Variants in GRID1 observed in about 807,000 individuals in gnomAD.
GRID1 encodes glutamate ionotropic receptor delta type subunit 1, also known as glutamate receptor ionotropic, delta-1.
GRID1 carries 28 observed loss-of-function variants against 98.0 expected under a neutral mutation model. That is an observed-to-expected ratio of 0.29 (90% confidence interval 0.21 to 0.39). The LOEUF is 0.39. GRID1 is among the 10% of genes least tolerant of loss of function. The probability of loss-of-function intolerance (pLI) is 1.00; values close to 1 mark genes in which losing one functional copy is unlikely to be tolerated. For missense variants in GRID1, 1,111 were observed against 1,340.5 expected, an observed-to-expected ratio of 0.83 and a Z score of 2.67; for synonymous variants, 553 against 538.5, an observed-to-expected ratio of 1.03 and a Z score of -0.37.
intron 12 of GRID1, among the ~76,000 whole-genome samples, chr10:85,693,469 A>G (rs1841355764): frequency 6.6e-6 from 1 of 152,206 alleles, no homozygotes; most frequent in Non-Finnish European, 1.5e-5. Flanking sequence ...CCTTAAGTTA[A>G]TAATAAGGTA....
chr10:86,196,638 G>A (rs1032971112), intron 3 of GRID1, among the ~76,000 whole-genome samples: 1 of 152,086 alleles, frequency 6.6e-6, no homozygotes, highest in Non-Finnish European at 1.5e-5. Context: ...ATTCATATGT[G>A]TTTTGTAGTC....
chr10:86,077,499 C>A (rs1045008545), intron 4 of GRID1, among the ~76,000 whole-genome samples: 4 of 152,220 alleles, frequency 2.6e-5, no homozygotes, highest in Non-Finnish European at 5.9e-5. Context: ...CCCACCTAAA[C>A]CTAGTGCACT....
intron 13 of GRID1, among the ~76,000 whole-genome samples, chr10:85,622,392 A>G (rs1304003259): frequency 6.6e-6 from 1 of 152,136 alleles, no homozygotes; most frequent in Non-Finnish European, 1.5e-5. Context: ...TAAGTTCATC[A>G]TTATATTTAT....
At chr10:85,750,755 C>T (rs1272196964) in intron 8 of GRID1, among the ~76,000 whole-genome samples, 2 of 152,068 alleles carry the variant, frequency 1.3e-5, no homozygotes, top group Non-Finnish European at 1.5e-5. Flanking sequence ...GGGAAGGACT[C>T]CTATAGCTTA....
chr10:86,350,216 T>C (rs1264671530), intron 2 of GRID1, among the ~76,000 whole-genome samples: 1 of 152,210 alleles, frequency 6.6e-6, no homozygotes, highest in Non-Finnish European at 1.5e-5. Context: ...TCAGCTTTTG[T>C]CGGGGTCCTT....
chr10:85,605,458 A>T lies in GRID1; in HGVS notation c.2602-2757T>A, dbSNP rs77766621. 17,722 of 152,242 alleles carry T rather than the reference A, an allele frequency of 0.12. 1,179 individuals are homozygous for T. The highest frequency in any genetic ancestry group is 0.15 in the Non-Finnish European group (10,199 of 68,014). The allele number at this position is 152,242 out of a possible 1,614,324, so 9.4% of individuals were successfully genotyped here. On this transcript the variant is annotated intron_variant, in intron 15 of 15. Coordinates refer to ENST00000327946, the MANE Select transcript of GRID1 (RefSeq NM_017551.3). ...CTCACTGTCAAAGACTTTCATTTCC[A>T]CGGAAGGGAAACTGATGACCTGGGA...
At chr10:85,933,947 A>G (rs1564630171) in intron 4 of GRID1, among the ~76,000 whole-genome samples, 2 of 152,266 alleles carry the variant, frequency 1.3e-5, no homozygotes, top group Non-Finnish European at 2.9e-5. Flanking sequence ...TGATTTAAAA[A>G]TGTACAGAAC....
At chr10:86,175,772 C>A (rs1461760039) in intron 3 of GRID1, among the ~76,000 whole-genome samples, 1 of 152,062 alleles carries the variant, frequency 6.6e-6, no homozygotes, top group Non-Finnish European at 1.5e-5. Flanking sequence ...TGCAATGGCG[C>A]AATCTCTGCA....
chr10:86,194,470 T>G (rs1845846135), intron 3 of GRID1, among the ~76,000 whole-genome samples: 2 of 152,120 alleles, frequency 1.3e-5, no homozygotes, highest in African/African-American at 4.8e-5. Context: ...ACTGTATCTG[T>G]GTGCACATGT....
chr10:86,014,226 T>C (rs1842954354), intron 4 of GRID1, among the ~76,000 whole-genome samples: 2 of 152,216 alleles, frequency 1.3e-5, no homozygotes, highest in Admixed American at 1.3e-4. Context: ...CAGACATTTA[T>C]AGGGCTTGGG....
chr10:86,199,789 ATG>A (rs1168186784), intron 3 of GRID1, among the ~76,000 whole-genome samples: 1 of 152,112 alleles, frequency 6.6e-6, no homozygotes, highest in Admixed American at 6.6e-5. Context: ...ATTCCTGAGA[ATG>A]TGTCAGTTTC....
intron 3 of GRID1, among the ~76,000 whole-genome samples, chr10:86,194,560 G>A (rs1418949194): frequency 6.6e-6 from 1 of 152,106 alleles, no homozygotes; most frequent in African/African-American, 2.4e-5. Flanking sequence ...TGCCTAATGG[G>A]TGCTTGCTTT....
chr10:85,706,703 T>G (rs1304433465), intron 12 of GRID1, among the ~76,000 whole-genome samples: 1 of 152,188 alleles, frequency 6.6e-6, no homozygotes, highest in Non-Finnish European at 1.5e-5. Context: ...GCTACCTGAC[T>G]TCAAACAATA....
chr10:85,992,137 T>C lies in GRID1; in HGVS notation c.727-75898A>G, dbSNP rs1046961574. ...CTTTGGAGATGGGAGATGAGGGGGCTCCCATCTGATGGCTAAATAAGGAGG... is the reference window on the plus strand; with the variant it reads ...CTTTGGAGATGGGAGATGAGGGGGCCCCCATCTGATGGCTAAATAAGGAGG... On this transcript the variant is annotated intron_variant, in intron 4 of 15. Coordinates refer to ENST00000327946, the MANE Select transcript of GRID1 (RefSeq NM_017551.3). Among the ~76,000 whole-genome samples, 4 of 151,670 alleles carry C rather than the reference T, an allele frequency of 2.6e-5. No homozygotes were observed. The South Asian group carries it at 6.3e-4, about 24-fold the overall frequency.
At chr10:85,758,597 T>A (rs913243534) in intron 8 of GRID1, among the ~76,000 whole-genome samples, 1 of 152,192 alleles carries the variant, frequency 6.6e-6, no homozygotes, top group African/African-American at 2.4e-5. Context: ...CACTGTCTCA[T>A]AGTGTCTCAC....
At chr10:85,910,744 GGA>G (rs778272573) in intron 5 of GRID1, among the ~76,000 whole-genome samples, 1 of 152,104 alleles carries the variant, frequency 6.6e-6, no homozygotes, top group Non-Finnish European at 1.5e-5. Flanking sequence ...GGAACTTTAG[GGA>G]ACCTCAGAGA....
chr10:85,904,758 C>T (rs1006815356), intron 5 of GRID1, among the ~76,000 whole-genome samples: 5 of 147,728 alleles, frequency 3.4e-5, no homozygotes, highest in East Asian at 2.0e-4. Flanking sequence ...GATTAGACAT[C>T]GACAAACAAA....
At chr10:86,245,798 A>G (rs1366165198) in intron 2 of GRID1, among the ~76,000 whole-genome samples, 3 of 152,250 alleles carry the variant, frequency 2.0e-5, no homozygotes, top group African/African-American at 7.2e-5. Flanking sequence ...CACCAGCCAC[A>G]GCTGGCCGGC....
chr10:86,134,909 T>C (rs10887558), intron 4 of GRID1, among the ~76,000 whole-genome samples: 53,544 of 152,044 alleles, frequency 0.35, 10,796 homozygotes, highest in African/African-American at 0.56. Context: ...GGTCTGTTCA[T>C]ACCTCAGTCC....
Sources: gnomAD v4.1 joint callset for allele counts (sites outside exome capture counted in the v4.1 genomes callset) on GRCh38, gnomAD v4.1.1 for gene constraint, MANE v1.5 for transcripts, NCBI Gene and HGNC (gene_info 2026-07-23, HGNC 2026-07-21) for gene names.